ARHGEF2: variants seen among roughly 807,000 people sequenced by gnomAD.
ARHGEF2 encodes Rho/Rac guanine nucleotide exchange factor 2, also known as rho guanine nucleotide exchange factor 2.
In ARHGEF2, 22 loss-of-function variants were observed where a neutral mutation model predicts 121.0. That is an observed-to-expected ratio of 0.18 (90% CI 0.13 to 0.26). The LOEUF (loss-of-function observed/expected upper bound fraction) is 0.26. Among genes scored for constraint, ARHGEF2 ranks in the 10% least tolerant of loss-of-function variants. ARHGEF2 has a pLI of 1.00. For missense variants in ARHGEF2, 907 were observed against 1,336.0 expected (o/e 0.68, Z 5.01); for synonymous variants, 487 against 530.0 (o/e 0.92, Z 1.11).
intron 2 of ARHGEF2, chr1:155,968,318 G>C (rs1460872728): frequency 6.6e-6 from 1 of 151,912 alleles, no homozygotes; most frequent in Non-Finnish European, 1.5e-5. Flanking sequence ...CTTTCTGGGG[G>C]TTCCTTCCCC....
chr1:155,951,090 C>A lies in ARHGEF2; in HGVS notation c.2442G>T (p.Leu814=). Residue 814 remains leucine (L), a synonymous_variant, in exon 20 of 22, where the codon CTG becomes CTT. Coordinates refer to ENST00000361247, the MANE Select transcript of ARHGEF2 (RefSeq NM_001162383.2). This position sits in a 1 kb window ranked among gnomAD's most constrained non-coding sequence, Gnocchi z 5.1. The part of the protein sequence containing the change: ...LALLQRQHAL[L]QEELRRCRRL... ...GCCGGCAGCGCCGTAGCTCCTCCTG[C>A]AGCAGCGCATGTTGCCGCTGCAGTA... 1 of 1,601,848 alleles carries A rather than the reference C, an allele frequency of 6.2e-7. No homozygotes were observed. Among genetic ancestry groups the A allele is most frequent in the Admixed American group, 1.7e-5 (1 of 58,386 alleles).
chr1:155,978,727 C>T (rs751775949), upstream of ARHGEF2: 95 of 792,516 alleles, frequency 1.2e-4, no homozygotes, highest in Non-Finnish European at 1.5e-4. The surrounding 1 kb of genome is among the most constrained non-coding windows in gnomAD (Gnocchi z 4.1). Flanking sequence ...TTGAGAGGCC[C>T]CTCTGCCTAT....
chr1:155,947,669 T>A lies in ARHGEF2; in HGVS notation c.*273A>T. On this transcript the variant is annotated 3_prime_UTR_variant, in exon 22 of 22. Transcript: ENST00000361247. Reference sequence around the variant, plus strand: ...ATCTCCCCTCTCCCCCCATAACTAATAAACAATAAATAAATAAATTTTCCT... The same window carrying A: ...ATCTCCCCTCTCCCCCCATAACTAAAAAACAATAAATAAATAAATTTTCCT... 4.3e-6 allele frequency: 2 copies of A among 460,072 alleles called. No individual in the cohort carries two copies. Among genetic ancestry groups the A allele is most frequent in the Non-Finnish European group, 7.9e-6 (2 of 254,296 alleles). 28.5% of individuals were successfully genotyped at this position (460,072 alleles called of 1,614,324 possible).
rs990888650 is a variant in ARHGEF2, at chr1:155,971,349, G to A, written c.64-2049C>T. On this transcript the variant is annotated intron_variant, in intron 1 of 21. Coordinates refer to ENST00000361247, the MANE Select transcript of ARHGEF2 (RefSeq NM_001162383.2). ...TCCCAGCACTTTGGGAGGTCGAGGC[G>A]GGTGGATTACCTGAGGTCAGGAGTT... Among the ~76,000 whole-genome samples, 6 of 151,990 alleles carry A rather than the reference G, an allele frequency of 3.9e-5. No individual in the cohort carries two copies. The East Asian group carries it at 7.7e-4, about 20-fold the overall frequency.
At chr1:155,969,587 G>A (rs1270245793) in intron 1 of ARHGEF2, 1 of 1,267,314 alleles carries the variant, frequency 7.9e-7, no homozygotes, top group Non-Finnish European at 1.0e-6. Context: ...CTGGCTCTAG[G>A]TCTCTGCGTC....
At chr1:155,952,968 A>C in intron 14 of ARHGEF2, 140 bp from the exon 15 acceptor site, 5 of 805,038 alleles carry the variant, frequency 6.2e-6, no homozygotes, top group Non-Finnish European at 7.8e-6. Flanking sequence ...TATAAAAAAG[A>C]AAAAGCTTTC....
At chr1:155,957,648 T>C (rs1676960875) in intron 13 of ARHGEF2, 65 bp downstream of exon 13, 1 of 1,513,600 alleles carries the variant, frequency 6.6e-7, no homozygotes, top group Non-Finnish European at 8.9e-7. Flanking sequence ...AGTTCTATGG[T>C]TGGGATCTAA....
rs766194404 is a variant in ARHGEF2, at chr1:155,978,498, G to T, written c.-71C>A. Reference sequence around the variant, plus strand: ...CCTGTATTGTTGGGGGAAGGCGGGGGGAGGGGTTCGGCCCGCACGCGTTGG... The same window carrying T: ...CCTGTATTGTTGGGGGAAGGCGGGGTGAGGGGTTCGGCCCGCACGCGTTGG... On this transcript the variant is annotated 5_prime_UTR_variant, in exon 1 of 22. Transcript: ENST00000361247. This position sits in a 1 kb window ranked among gnomAD's most constrained non-coding sequence, Gnocchi z 4.1. The T allele has an allele frequency of 5.9e-6, 8 of 1,351,650 alleles. No individual in the cohort carries two copies. Among genetic ancestry groups the T allele is most frequent in the Non-Finnish European group, 7.7e-6 (8 of 1,036,102 alleles). 83.7% of individuals were successfully genotyped at this position (1,351,650 alleles called of 1,614,324 possible). A position where few individuals can be genotyped will look rare whatever the true frequency, so the allele number is the denominator to read the frequency against.
rs1674590394 is a variant in ARHGEF2 at position 155,947,495 on chromosome 1, G to A, written c.*447C>T. The stretch of plus-strand genomic sequence containing the variant: ...AGGGCAGTAGGGTGCTGTGGCTGCA[G>A]CCTCTCCTCCAAGACGGATGTTGCA... On this transcript the variant is annotated 3_prime_UTR_variant, in exon 22 of 22. Coordinates refer to ENST00000361247, the MANE Select transcript of ARHGEF2 (RefSeq NM_001162383.2). 4 of 447,012 alleles carry A rather than the reference G, an allele frequency of 8.9e-6. No homozygotes were observed. Among genetic ancestry groups the A allele is most frequent in the Non-Finnish European group, 1.8e-5 (4 of 222,458 alleles). 27.7% of individuals were successfully genotyped at this position (447,012 alleles called of 1,614,324 possible).
chr1:155,963,242 C>G, intron 7 of ARHGEF2, 59 bp from the exon 8 acceptor site: 1 of 1,576,326 alleles, frequency 6.3e-7, no homozygotes, highest in Non-Finnish European at 8.6e-7. Context: ...CTCGTGGGGC[C>G]CTAGGATAAG....
chr1:155,970,630 C>T, intron 1 of ARHGEF2: 1 of 985,518 alleles, frequency 1.0e-6, no homozygotes, highest in African/African-American at 1.7e-5. Flanking sequence ...AGCCCGGACT[C>T]TAGGAGACCA....
intron 2 of ARHGEF2, among the ~76,000 whole-genome samples, chr1:155,967,833 C>G (rs538082833): frequency 1.2e-3 from 177 of 152,282 alleles, no homozygotes; most frequent in African/African-American, 4.0e-3. Context: ...TCCCCTCCCC[C>G]ATCCAACAAC....
chr1:155,957,324 C>T (rs1384993317), intron 13 of ARHGEF2, among the ~76,000 whole-genome samples: 1 of 152,164 alleles, frequency 6.6e-6, no homozygotes, highest in Non-Finnish European at 1.5e-5. Flanking sequence ...TTTCATTATC[C>T]TCTTTTTCAT....
At chr1:155,949,275 A>T in intron 21 of ARHGEF2, among the ~76,000 whole-genome samples, 1 of 147,532 alleles carries the variant, frequency 6.8e-6, no homozygotes, top group East Asian at 2.0e-4. Context: ...AAATAAAATA[A>T]AATAAAATAA....
chr1:155,960,185 C>T (rs922056181), intron 11 of ARHGEF2, among the ~76,000 whole-genome samples: 3 of 152,098 alleles, frequency 2.0e-5, no homozygotes, highest in Non-Finnish European at 2.9e-5. Context: ...AAACAGAGGG[C>T]GAGGCATAGT....
Position 155,951,701 on chromosome 1 carries a change from T to G in ARHGEF2, c.2208+40A>C. The stretch of plus-strand genomic sequence containing the variant: ...GCTCTAACTACTCAGACTAAGAACA[T>G]CCTCCCTTCAGTCTCCTATACCATC... On this transcript the variant is annotated intron_variant, in intron 18 of 21. Transcript: ENST00000361247. The surrounding 1 kb of genome is among the most constrained non-coding windows in gnomAD (Gnocchi z 5.1). 1 of 1,613,574 alleles carries G rather than the reference T, an allele frequency of 6.2e-7. No individual in the cohort carries two copies. The highest frequency in any genetic ancestry group is 8.5e-7 in the Non-Finnish European group (1 of 1,179,586).
At position 155,966,268 on chromosome 1, in the gene ARHGEF2, C is replaced by T; in HGVS notation, c.340+148G>A. ...TGCCTCTAAGTCCAAGAGTCCGAAC[C>T]CTCCCTTAGGCCCCCACTATCTGCT... On this transcript the variant is annotated intron_variant, in intron 4 of 21. Coordinates refer to ENST00000361247, the MANE Select transcript of ARHGEF2 (RefSeq NM_001162383.2). 6 of 754,560 alleles carry T rather than the reference C, an allele frequency of 8.0e-6. No individual in the cohort carries two copies. The South Asian group carries it at 8.4e-5, about 11-fold the overall frequency. The allele number at this position is 754,560 out of a possible 1,614,324, so 46.7% of individuals were successfully genotyped here. A position where few individuals can be genotyped will look rare whatever the true frequency, so the allele number is the denominator to read the frequency against.
Position 155,969,472 on chromosome 1 carries a change from G to A in ARHGEF2, c.64-172C>T, listed in dbSNP as rs553797387. ...AACTGGGTGTCAGAGGCAGCTGTCC[G>A]GGAGTGACCAGGCCAGGCTCTGGGG... is the stretch of plus-strand genomic sequence containing the variant. On this transcript the variant is annotated intron_variant, in intron 1 of 21. Coordinates refer to ENST00000361247, the MANE Select transcript of ARHGEF2 (RefSeq NM_001162383.2). 1.4e-5 allele frequency: 20 copies of A among 1,439,892 alleles called. 1 individual carries two copies. In the South Asian group the frequency reaches 1.4e-4, roughly 10 times the overall value. 89.2% of individuals were successfully genotyped at this position (1,439,892 alleles called of 1,614,324 possible).
At chr1:155,955,932 T>C (rs1676573615) in intron 13 of ARHGEF2, among the ~76,000 whole-genome samples, 2 of 151,972 alleles carry the variant, frequency 1.3e-5, no homozygotes, top group Non-Finnish European at 1.5e-5. Flanking sequence ...GCCAGGCTGG[T>C]CTCGAACTCC....
Sources: gnomAD v4.1 joint callset for allele counts (sites outside exome capture counted in the v4.1 genomes callset) on GRCh38, gnomAD v4.1.1 for gene constraint, Gnocchi (gnomAD v3.1) non-coding constraint, MANE v1.5 for transcripts, NCBI Gene and HGNC (gene_info 2026-07-23, HGNC 2026-07-21) for gene names.